Variants in PCLO observed in about 807,000 individuals in gnomAD.
The protein encoded by PCLO is protein piccolo.
Under a neutral mutation model 427.5 loss-of-function variants are expected in PCLO, and 82 were observed. The observed-to-expected ratio is 0.19, with a 90% CI of 0.16 to 0.23. The LOEUF is 0.23. Among genes scored for constraint, PCLO ranks in the 10% least tolerant of loss-of-function variants. The pLI is 1.00. For missense variants in PCLO, 6,239 were observed against 6,115.9 expected, an observed-to-expected ratio of 1.02 and a Z score of -0.67; for synonymous variants, 2,357 against 2,155.4, an observed-to-expected ratio of 1.09 and a Z score of -2.59.
intron 3 of PCLO, among the ~76,000 whole-genome samples, chr7:82,981,660 T>C (rs901659914): frequency 1.3e-5 from 2 of 151,254 alleles, no homozygotes; most frequent in African/African-American, 2.5e-5. Flanking sequence ...GTCTGCATAA[T>C]TGGCTATAAG....
chr7:83,153,291 T>C (rs2116679513), intron 2 of PCLO, among the ~76,000 whole-genome samples: 1 of 151,770 alleles, frequency 6.6e-6, no homozygotes, highest in South Asian at 2.1e-4. Flanking sequence ...TGCAGCATAT[T>C]CTTATTAATT....
chr7:82,902,593 A>G (rs1379313506), intron 9 of PCLO, 58 bp downstream of exon 9: 4 of 943,328 alleles, frequency 4.2e-6, no homozygotes, highest in Non-Finnish European at 1.6e-6. Flanking sequence ...AAAATGCAAA[A>G]CAAAACAAAA....
intron 20 of PCLO, among the ~76,000 whole-genome samples, chr7:82,812,901 T>C (rs772953498): frequency 1.3e-5 from 2 of 150,824 alleles, no homozygotes; most frequent in African/African-American, 4.9e-5. Flanking sequence ...TATTTCCAAC[T>C]GACAATTGGA....
At chr7:82,947,847 A>G (rs1398065592) in intron 6 of PCLO, among the ~76,000 whole-genome samples, 1 of 152,108 alleles carries the variant, frequency 6.6e-6, no homozygotes, top group Non-Finnish European at 1.5e-5. Flanking sequence ...TACATTTCCA[A>G]ATCCAAAGTG....
At chr7:82,807,242 C>G (rs1184860237) in intron 20 of PCLO, among the ~76,000 whole-genome samples, 1 of 151,642 alleles carries the variant, frequency 6.6e-6, no homozygotes, top group East Asian at 1.9e-4. Context: ...CTTAAATAGT[C>G]TTTGACAATG....
rs531578700 is a variant in PCLO at position 82,754,186 on chromosome 7, T to C, written c.*4389A>G. The C allele has an allele frequency of 6.6e-5, 10 of 152,196 alleles. No individual in the cohort carries two copies. The East Asian group carries it at 1.9e-3, about 29-fold the overall frequency. The allele number at this position is 152,196 out of a possible 1,614,324, so 9.4% of individuals were successfully genotyped here. A position where few individuals can be genotyped will look rare whatever the true frequency, so the allele number is the denominator to read the frequency against. ...TTTTTTTAAATGCAACTCTCATGTA[T>C]TTTCAGGTCAATTTATACAGTCCTT... On this transcript the variant is annotated 3_prime_UTR_variant, in exon 25 of 25. Transcript: ENST00000333891.
intron 3 of PCLO, among the ~76,000 whole-genome samples, chr7:82,998,169 T>C (rs1202279449): frequency 2.0e-5 from 3 of 151,948 alleles, no homozygotes; most frequent in African/African-American, 7.2e-5. Context: ...GACAAATTGC[T>C]GGAGTCTTGG....
chr7:83,052,146 A>T (rs1408360874), intron 3 of PCLO, among the ~76,000 whole-genome samples: 4 of 152,116 alleles, frequency 2.6e-5, no homozygotes, highest in African/African-American at 9.6e-5. Context: ...TAAATATAAC[A>T]CCCAAAGTAA....
chr7:83,055,617 T>C (rs1789360095), intron 3 of PCLO, among the ~76,000 whole-genome samples: 1 of 152,068 alleles, frequency 6.6e-6, no homozygotes, highest in Non-Finnish European at 1.5e-5. Flanking sequence ...GGATGTAGGG[T>C]AAAAGAGGTT....
chr7:82,864,197 A>G (rs952759341), intron 10 of PCLO, among the ~76,000 whole-genome samples: 1 of 152,136 alleles, frequency 6.6e-6, no homozygotes, highest in Non-Finnish European at 1.5e-5. Context: ...ATCAGTATAA[A>G]TAAATATATT....
Position 82,845,503 on chromosome 7 carries a change from A to T in PCLO, c.13832-18T>A. On this transcript the variant is annotated intron_variant, in intron 12 of 24. Coordinates refer to ENST00000333891, the MANE Select transcript of PCLO (RefSeq NM_033026.6). Reference sequence around the variant, plus strand: ...CTTATCCACTACAACAAAATGAAAGAGATTTACATACTTCTCCATTTCATA... The same window carrying T: ...CTTATCCACTACAACAAAATGAAAGTGATTTACATACTTCTCCATTTCATA... 1 of 1,533,732 alleles carries T rather than the reference A, an allele frequency of 6.5e-7. No individual in the cohort carries two copies.
intron 20 of PCLO, among the ~76,000 whole-genome samples, chr7:82,817,503 C>A (rs1468458227): frequency 1.3e-5 from 2 of 152,080 alleles, no homozygotes; most frequent in African/African-American, 4.8e-5. Context: ...CCCAGCAATT[C>A]CCTCCACTCC....
chr7:82,890,406 C>T (rs1293289697), intron 9 of PCLO, among the ~76,000 whole-genome samples: 5 of 151,566 alleles, frequency 3.3e-5, no homozygotes, highest in Non-Finnish European at 7.4e-5. Flanking sequence ...TTTGTAAGTT[C>T]TTTAAGCAAG....
At chr7:82,831,498 A>G (rs1284445422) in intron 16 of PCLO, among the ~76,000 whole-genome samples, 2 of 152,120 alleles carry the variant, frequency 1.3e-5, no homozygotes, top group Non-Finnish European at 2.9e-5. Flanking sequence ...AACATCGTGA[A>G]CAAGTTAGGC....
chr7:83,095,122 TA>T (rs2116457633), intron 3 of PCLO, among the ~76,000 whole-genome samples: 1 of 152,290 alleles, frequency 6.6e-6, no homozygotes, highest in South Asian at 2.1e-4. Context: ...TTTAAAATTT[TA>T]AATTCAATTC....
Position 82,824,300 on chromosome 7 carries a change from C to T in PCLO, c.14532G>A (p.Gln4844=), listed in dbSNP as rs766769922. Residue 4844 remains glutamine, a synonymous_variant, in exon 19 of 25, where the codon CAG becomes CAA. Coordinates refer to ENST00000333891, the MANE Select transcript of PCLO (RefSeq NM_033026.6). ...HGKSHSSQSS[Q]QSPKPSVIKS... ...TGATAACAGATGGCTTTGGGGACTG[C>T]TGGCTGCTCTGACTGGAATGAGACT... The T allele has an allele frequency of 2.3e-5, 37 of 1,613,346 alleles. No homozygotes were observed. Among genetic ancestry groups the T allele is most frequent in the Non-Finnish European group, 3.0e-5 (35 of 1,179,700 alleles).
chr7:82,948,708 C>T (rs934202363), intron 6 of PCLO, among the ~76,000 whole-genome samples: 3 of 152,132 alleles, frequency 2.0e-5, no homozygotes, highest in Admixed American at 1.3e-4. Context: ...TTCACAGATA[C>T]ATCTGTATAT....
At chr7:82,926,723 C>CTGTGTGACAATA (rs1368987730) in intron 6 of PCLO, among the ~76,000 whole-genome samples, 1 of 152,120 alleles carries the variant, frequency 6.6e-6, no homozygotes, top group African/African-American at 2.4e-5. Context: ...TTAGAGATGC[C>CTGTGTGACAATA]AGTCTGTGTG....
intron 17 of PCLO, 118 bp from the exon 18 acceptor site, chr7:82,826,778 A>C: frequency 2.0e-6 from 1 of 503,314 alleles, no homozygotes; most frequent in Non-Finnish European, 3.4e-6. Flanking sequence ...ATGTGAAAAT[A>C]CTTAAAATTT....
Sources: gnomAD v4.1 joint callset for allele counts (sites outside exome capture counted in the v4.1 genomes callset) on GRCh38, gnomAD v4.1.1 for gene constraint, MANE v1.5 for transcripts, NCBI Gene and HGNC (gene_info 2026-07-23, HGNC 2026-07-21) for gene names.